The following AFG1L variants were observed in gnomAD, a reference collection of about 807,000 sequenced individuals.
AFG1L encodes AFG1 like ATPase, also known as AFG1-like ATPase.
AFG1L carries 53 observed loss-of-function variants against 62.2 expected under a neutral mutation model. That is an observed-to-expected ratio of 0.85 (90% confidence interval 0.68 to 1.07). The LOEUF is 1.07. Among genes scored for constraint, AFG1L ranks in the 50% least tolerant of loss-of-function variants. AFG1L has a pLI of 0.00. For missense variants in AFG1L, 555 were observed against 590.5 expected (o/e 0.94, Z 0.62); for synonymous variants, 228 against 210.3 (o/e 1.08, Z -0.73).
At chr6:108,472,511 A>G (rs981351120) in intron 8 of AFG1L, among the ~76,000 whole-genome samples, 2 of 152,194 alleles carry the variant, frequency 1.3e-5, no homozygotes, top group African/African-American at 4.8e-5. Flanking sequence ...ACAACAAAAA[A>G]GTTTAAAATA....
At chr6:108,513,166 GTC>G (rs1293126965) in intron 11 of AFG1L, among the ~76,000 whole-genome samples, 1 of 152,212 alleles carries the variant, frequency 6.6e-6, no homozygotes, top group Non-Finnish European at 1.5e-5. Flanking sequence ...GACAGCTCCA[GTC>G]TACAGCTCCC....
At chr6:108,343,108 A>G (rs1307588014) in intron 2 of AFG1L, among the ~76,000 whole-genome samples, 1 of 150,656 alleles carries the variant, frequency 6.6e-6, no homozygotes, top group Non-Finnish European at 1.5e-5. Context: ...TCTGTTGCCC[A>G]GGCTGGAGTG....
chr6:108,404,571 T>C (rs1159545369), intron 7 of AFG1L, among the ~76,000 whole-genome samples: 1 of 152,096 alleles, frequency 6.6e-6, no homozygotes. Context: ...ATCTTTATTC[T>C]CATATTTTTT....
chr6:108,310,218 A>T (rs1777352443), intron 1 of AFG1L, among the ~76,000 whole-genome samples: 1 of 152,174 alleles, frequency 6.6e-6, no homozygotes, highest in East Asian at 1.9e-4. Flanking sequence ...AGCCTGCAAC[A>T]TTTACATTTC....
At chr6:108,383,205 C>T (rs1358851104) in intron 6 of AFG1L, among the ~76,000 whole-genome samples, 2 of 152,010 alleles carry the variant, frequency 1.3e-5, no homozygotes, top group African/African-American at 4.8e-5. Context: ...TACACTCCAG[C>T]CTGGGCAACA....
At chr6:108,379,820 C>A (rs1027813178) in intron 6 of AFG1L, among the ~76,000 whole-genome samples, 1 of 152,218 alleles carries the variant, frequency 6.6e-6, no homozygotes, top group African/African-American at 2.4e-5. Context: ...GCACTATGAT[C>A]TATACCCAGG....
intron 6 of AFG1L, among the ~76,000 whole-genome samples, chr6:108,400,888 GCAAATATATA>G (rs1781570225): frequency 7.4e-6 from 1 of 135,008 alleles, no homozygotes; most frequent in Non-Finnish European, 1.5e-5. Context: ...TATATATAAT[GCAAATATATA>G]TAATGCAAAT....
intron 1 of AFG1L, among the ~76,000 whole-genome samples, chr6:108,314,660 A>G (rs1338157095): frequency 6.6e-5 from 10 of 151,648 alleles, no homozygotes. Context: ...CGGCCTCCCA[A>G]AATTGCTAGG....
At chr6:108,449,342 A>G (rs1490858104) in intron 8 of AFG1L, among the ~76,000 whole-genome samples, 1 of 152,144 alleles carries the variant, frequency 6.6e-6, no homozygotes, top group Non-Finnish European at 1.5e-5. Context: ...GGGCTTGACC[A>G]TAGTCAAGAA....
At chr6:108,496,302 A>T (rs1023050248) in intron 10 of AFG1L, among the ~76,000 whole-genome samples, 1 of 152,238 alleles carries the variant, frequency 6.6e-6, no homozygotes. Context: ...ACAGTGCCTC[A>T]TATTTATTAA....
chr6:108,344,804 T>TTAC, intron 2 of AFG1L: 1 of 471,032 alleles, frequency 2.1e-6, no homozygotes, highest in South Asian at 1.5e-5. Context: ...AGTATGAAGG[T>TTAC]TACTCGTCTA....
intron 6 of AFG1L, among the ~76,000 whole-genome samples, chr6:108,370,288 G>T (rs1218185664): frequency 6.6e-6 from 1 of 152,090 alleles, no homozygotes. Flanking sequence ...TGGAGAATAG[G>T]TTACTAGATG....
intron 1 of AFG1L, among the ~76,000 whole-genome samples, chr6:108,320,149 A>G (rs1237409412): frequency 6.6e-6 from 1 of 152,226 alleles, no homozygotes; most frequent in East Asian, 1.9e-4. Flanking sequence ...TTTTAGTAAG[A>G]TCAGCCCTGG....
chr6:108,316,526 C>G (rs1347082180), intron 1 of AFG1L, among the ~76,000 whole-genome samples: 1 of 144,264 alleles, frequency 6.9e-6, no homozygotes, highest in Non-Finnish European at 1.5e-5. Context: ...TTATGGGGTA[C>G]ACTCTGATTT....
chr6:108,504,674 C>T (rs1441460116), intron 10 of AFG1L, among the ~76,000 whole-genome samples: 1 of 152,154 alleles, frequency 6.6e-6, no homozygotes, highest in Admixed American at 6.5e-5. Flanking sequence ...TGCCACAAAT[C>T]TTCAATTTGT....
rs560104918 is a variant in AFG1L at position 108,391,174 on chromosome 6, C to G, written c.749-10822C>G. On this transcript the variant is annotated intron_variant, in intron 6 of 12. Transcript: ENST00000368977. ...ATACCCAAGAGTGGGATTGCTGGAT[C>G]AAATGGAATTTCTACTGTTAATTCT... 2.6e-5 allele frequency among the ~76,000 whole-genome samples: 4 copies of G among 152,308 alleles called. No homozygotes were observed. The South Asian group carries it at 8.3e-4, about 32-fold the overall frequency.
chr6:108,390,458 T>G (rs751632653), intron 6 of AFG1L, among the ~76,000 whole-genome samples: 8 of 152,220 alleles, frequency 5.3e-5, no homozygotes, highest in Non-Finnish European at 1.0e-4. Context: ...TTTTTAGAAT[T>G]TTCAGCTTTT....
At chr6:108,399,174 G>GTTTTTTTTTTTTTTTTTTTTT (rs1424528059) in intron 6 of AFG1L, among the ~76,000 whole-genome samples, 1 of 51,414 alleles carries the variant, frequency 1.9e-5, no homozygotes, top group African/African-American at 8.4e-5. Flanking sequence ...CACTTCTTTT[G>GTTTTTTTTTTTTTTTTTTTTT]TTTGTTTTTT....
intron 6 of AFG1L, among the ~76,000 whole-genome samples, chr6:108,389,764 C>CT (rs1562126976): frequency 6.6e-6 from 1 of 152,208 alleles, no homozygotes; most frequent in Non-Finnish European, 1.5e-5. Context: ...GTGTGATGGG[C>CT]TTCCCTTTGT....
Sources: allele counts gnomAD v4.1 joint callset (sites outside exome capture counted in the v4.1 genomes callset), GRCh38; gene constraint gnomAD v4.1.1; transcripts MANE v1.5; gene names NCBI Gene and HGNC (gene_info 2026-07-23, HGNC 2026-07-21).